Variants in SPTBN1 observed in about 807,000 individuals in gnomAD.
SPTBN1 encodes spectrin beta, non-erythrocytic 1.
SPTBN1 carries 32 observed loss-of-function variants against 266.4 expected under a neutral mutation model. That is an observed-to-expected ratio of 0.12 (90% CI 0.09 to 0.16). The LOEUF is 0.16. Ranked by LOEUF, SPTBN1 falls within the 10% of genes least tolerant of loss-of-function variation. The pLI is 1.00. For missense variants in SPTBN1, 2,296 were observed against 3,067.1 expected (o/e 0.75, Z 5.94); for synonymous variants, 1,336 against 1,162.2 (o/e 1.15, Z -3.04).
At chr2:54,481,411 TGTGTGTGTGTGTGTGTGTGTGTGTGTGTG>T (rs1668093548) in intron 1 of SPTBN1, among the ~76,000 whole-genome samples, 1 of 131,632 alleles carries the variant, frequency 7.6e-6, no homozygotes, top group Non-Finnish European at 1.6e-5. Context: ...TGTGTGTGTG[TGTGTGTGTGTGTGTGTGTGTGTGTGTGTG>T]TTTTGTTTTG....
intron 2 of SPTBN1, among the ~76,000 whole-genome samples, chr2:54,559,625 C>T (rs1573412421): frequency 6.6e-6 from 1 of 152,252 alleles, no homozygotes; most frequent in South Asian, 2.1e-4. Flanking sequence ...TTCCCTGCGG[C>T]CCCTGCACCC....
chr2:54,594,674 C>T (rs1169573453), intron 2 of SPTBN1, among the ~76,000 whole-genome samples: 1 of 152,070 alleles, frequency 6.6e-6, no homozygotes. Flanking sequence ...TATTAAACAA[C>T]CTTCTGCCAC....
chr2:54,639,471 C>T (rs1320820302), intron 18 of SPTBN1, among the ~76,000 whole-genome samples: 1 of 152,126 alleles, frequency 6.6e-6, no homozygotes, highest in Non-Finnish European at 1.5e-5. Context: ...ATTTACCTAA[C>T]CATGGTAAAG....
intron 31 of SPTBN1, among the ~76,000 whole-genome samples, chr2:54,659,603 C>G (rs1032772526): frequency 7.7e-6 from 1 of 129,572 alleles, no homozygotes; most frequent in Non-Finnish European, 1.8e-5. Context: ...TGTGGTGATG[C>G]GTTTTTTGAG....
intron 1 of SPTBN1, among the ~76,000 whole-genome samples, chr2:54,487,298 C>T (rs566601367): frequency 2.0e-5 from 3 of 150,226 alleles, no homozygotes; most frequent in East Asian, 2.0e-4. Flanking sequence ...AAAGTTTTCA[C>T]GTAATGAAAT....
chr2:54,513,328 C>A (rs1485165526), intron 1 of SPTBN1, among the ~76,000 whole-genome samples: 1 of 152,180 alleles, frequency 6.6e-6, no homozygotes, highest in Non-Finnish European at 1.5e-5. Context: ...ATATTTGTTT[C>A]ATTTCATTCC....
chr2:54,627,360 C>G (rs149407901), intron 12 of SPTBN1, among the ~76,000 whole-genome samples: 4 of 152,312 alleles, frequency 2.6e-5, no homozygotes, highest in African/African-American at 9.6e-5. Context: ...AAGTAGAAAT[C>G]TCATCTGGCG....
chr2:54,456,811 C>G (rs1399929541), intron 1 of SPTBN1, among the ~76,000 whole-genome samples: 1 of 150,904 alleles, frequency 6.6e-6, no homozygotes, highest in African/African-American at 2.4e-5. Flanking sequence ...GCACCGCTGC[C>G]GTCCGGCCCC....
chr2:54,559,416 C>G (rs777691026), intron 2 of SPTBN1, among the ~76,000 whole-genome samples: 3 of 152,168 alleles, frequency 2.0e-5, no homozygotes, highest in Non-Finnish European at 4.4e-5. Context: ...TTGGGAAGAG[C>G]CTTCCCATCT....
chr2:54,467,891 T>C (rs1248001108), intron 1 of SPTBN1, among the ~76,000 whole-genome samples: 1 of 152,168 alleles, frequency 6.6e-6, no homozygotes, highest in Non-Finnish European at 1.5e-5. Context: ...AAAGTATTTT[T>C]AAGATATCTT....
intron 1 of SPTBN1, among the ~76,000 whole-genome samples, chr2:54,505,119 A>C (rs759028449): frequency 1.3e-5 from 2 of 152,246 alleles, no homozygotes; most frequent in African/African-American, 4.8e-5. Context: ...TCTGAGCCTC[A>C]TTGAAGAGAG....
chr2:54,467,804 G>A (rs1023766039), intron 1 of SPTBN1, among the ~76,000 whole-genome samples: 4 of 151,860 alleles, frequency 2.6e-5, no homozygotes, highest in African/African-American at 7.3e-5. Context: ...AGTATATGTG[G>A]TTTTTTGAAT....
Position 54,646,393 on chromosome 2 carries a change from A to G in SPTBN1, c.4784A>G (p.Gln1595Arg). The change falls in exon 23 of 36, where the codon CAG becomes CGG. Residue 1595 changes from glutamine to arginine, a missense_variant. Physicochemically the swap from Gln to Arg is conservative, Grantham distance 43. Coordinates refer to ENST00000356805, the MANE Select transcript of SPTBN1 (RefSeq NM_003128.3). The surrounding 1 kb of genome is among the most constrained non-coding windows in gnomAD (Gnocchi z 4.4). ...HRRLEEAHRA[Q>R]QYYFDAAEAE... ...CGGCTGGAGGAGGCGCACAGGGCCC[A>G]GCAGTACTACTTTGACGCTGCTGAG... 6.2e-7 allele frequency: 1 copy of G among 1,611,854 alleles called. No homozygotes were observed. Among genetic ancestry groups the G allele is most frequent in the Non-Finnish European group, 8.5e-7 (1 of 1,179,090 alleles).
intron 16 of SPTBN1, among the ~76,000 whole-genome samples, chr2:54,632,134 C>T (rs772735895): frequency 9.5e-4 from 140 of 147,592 alleles, no homozygotes; most frequent in Non-Finnish European, 1.7e-3. Flanking sequence ...TGAGACCAGT[C>T]TGTCTTCTTG....
intron 18 of SPTBN1, among the ~76,000 whole-genome samples, chr2:54,641,044 G>A (rs1051207406): frequency 2.0e-5 from 3 of 152,194 alleles, no homozygotes; most frequent in Admixed American, 6.5e-5. Context: ...TTGATTCAAC[G>A]ATCAAAGCAT....
At position 54,488,830 on chromosome 2, in the gene SPTBN1, A is replaced by G. The variant is rs140062560; in HGVS notation, c.-48+32312A>G. ...TTATAATGAAGTTATTAATCTTACA[A>G]AGGCTCGCTTTGTAAAGAGACTAAT... On this transcript the variant is annotated intron_variant, in intron 1 of 35. Coordinates refer to ENST00000356805, the MANE Select transcript of SPTBN1 (RefSeq NM_003128.3). 8.7e-4 allele frequency among the ~76,000 whole-genome samples: 132 copies of G among 152,286 alleles called. 1 individual carries two copies. The East Asian group carries it at 0.017, about 19-fold the overall frequency.
chr2:54,655,617 G>GGT (rs1680597895), intron 28 of SPTBN1, among the ~76,000 whole-genome samples: 1 of 152,224 alleles, frequency 6.6e-6, no homozygotes, highest in Admixed American at 6.5e-5. Flanking sequence ...CTCTCCAAGA[G>GGT]GTCAGGGCTT....
At chr2:54,475,803 G>A (rs1667796452) in intron 1 of SPTBN1, among the ~76,000 whole-genome samples, 1 of 152,194 alleles carries the variant, frequency 6.6e-6, no homozygotes, top group South Asian at 2.1e-4. Flanking sequence ...GACAAATTAT[G>A]TAATAGAGTT....
At chr2:54,615,365 C>T (rs1004998859) in intron 4 of SPTBN1, among the ~76,000 whole-genome samples, 30 of 152,188 alleles carry the variant, frequency 2.0e-4, no homozygotes, top group Non-Finnish European at 1.0e-4. Flanking sequence ...TGGCCAGCAC[C>T]ATCCACTCCT....
Sources: gnomAD v4.1 joint callset for allele counts (sites outside exome capture counted in the v4.1 genomes callset) on GRCh38, gnomAD v4.1.1 for gene constraint, Gnocchi (gnomAD v3.1) non-coding constraint, MANE v1.5 for transcripts, NCBI Gene and HGNC (gene_info 2026-07-23, HGNC 2026-07-21) for gene names.